PRSS23: variants seen among roughly 807,000 people sequenced by gnomAD.
The protein encoded by PRSS23 is protease, serine 23.
A neutral mutation model predicts 34.7 loss-of-function variants in PRSS23; 25 were observed. The ratio of observed to expected loss-of-function variants is 0.72; its 90% CI spans 0.53 to 1.01. The LOEUF is 1.01. Among genes scored for constraint, PRSS23 ranks in the 50% least tolerant of loss-of-function variants. The pLI is 0.00. For synonymous variants in PRSS23, 176 were observed against 186.6 expected (o/e 0.94, Z 0.46); for missense variants, 445 against 475.6 (o/e 0.94, Z 0.60).
chr11:86,887,922 G>A (rs1015591987), intron 2 of PRSS23, among the ~76,000 whole-genome samples: 3 of 151,850 alleles, frequency 2.0e-5, no homozygotes, highest in African/African-American at 7.3e-5. Flanking sequence ...TGTGGTGGCG[G>A]GCGCCTGTAA....
chr11:86,808,158 C>T lies in PRSS23; in HGVS notation c.515C>T (p.Thr172Ile). The T allele has an allele frequency of 1.2e-6, 2 of 1,614,204 alleles. No homozygotes were observed. The highest frequency in any genetic ancestry group is 8.5e-7 in the Non-Finnish European group (1 of 1,180,042). The change falls in exon 2 of 2, where the codon ACA (threonine) becomes ATA (isoleucine). Residue 172 changes from threonine to isoleucine, a missense_variant. Physicochemically the swap from Thr to Ile is moderately conservative, Grantham distance 89 (BLOSUM62 -1). Coordinates refer to ENST00000280258, the MANE Select transcript of PRSS23 (RefSeq NM_007173.6). ...CTGGTGGCAGAGAAGCATGTCCTCA[C>T]AGCTGCCCACTGCATACACGATGGA... is the stretch of plus-strand genomic sequence containing the variant. ...GTLVAEKHVL[T>I]AAHCIHDGKT...
At chr11:86,837,224 A>T (rs1948412918) in intron 2 of PRSS23, 1 of 152,258 alleles carries the variant, frequency 6.6e-6, no homozygotes, top group Non-Finnish European at 1.5e-5. Context: ...GTATTATTTT[A>T]TTCTAATAGA....
chr11:86,826,071 C>T (rs868753352), intron 2 of PRSS23, among the ~76,000 whole-genome samples: 11 of 151,918 alleles, frequency 7.2e-5, no homozygotes, highest in Non-Finnish European at 8.8e-5. Context: ...TACCTTGGGC[C>T]GTATGGCCAT....
chr11:86,800,883 C>G (rs769873456), intron 1 of PRSS23, among the ~76,000 whole-genome samples: 3 of 152,116 alleles, frequency 2.0e-5, no homozygotes, highest in Admixed American at 6.5e-5. Flanking sequence ...GCAGTGTCAC[C>G]CATGAAACGG....
chr11:86,951,694 G>C, exon 3 of PRSS23: 1 of 1,614,046 alleles, frequency 6.2e-7, no homozygotes, highest in Non-Finnish European at 8.5e-7. Flanking sequence ...TCACTGCGGG[G>C]ATGGCCCAGG....
At chr11:86,793,349 A>ATTGTGGGGG (rs1947963122) in intron 1 of PRSS23, among the ~76,000 whole-genome samples, 1 of 152,202 alleles carries the variant, frequency 6.6e-6, no homozygotes, top group Admixed American at 6.5e-5. Context: ...AGCATTCTTT[A>ATTGTGGGGG]ATCCTGGGGG....
intron 1 of PRSS23, among the ~76,000 whole-genome samples, chr11:86,822,882 T>G (rs1948263751): frequency 6.6e-6 from 1 of 152,214 alleles, no homozygotes; most frequent in African/African-American, 2.4e-5. Flanking sequence ...TTCTGCCTCT[T>G]AATTCCAAGA....
intron 2 of PRSS23, among the ~76,000 whole-genome samples, chr11:86,848,949 A>C (rs748779382): frequency 6.6e-6 from 1 of 152,196 alleles, no homozygotes; most frequent in Non-Finnish European, 1.5e-5. Flanking sequence ...CTAGAAACAA[A>C]CTGCCCCCTC....
At chr11:86,833,072 G>T (rs1590885018) in intron 2 of PRSS23, 4 of 572,620 alleles carry the variant, frequency 7.0e-6, no homozygotes, top group East Asian at 3.8e-5. Flanking sequence ...AATATAGAGG[G>T]TGACAGATGG....
At chr11:86,812,383 A>G (rs17149443), downstream of PRSS23, among the ~76,000 whole-genome samples, 4,369 of 152,280 alleles carry the variant, frequency 0.029, 220 homozygotes, top group African/African-American at 0.1. Context: ...GGGTGGGGTC[A>G]TCGTACATAC....
At chr11:86,827,873 G>T (rs891583818) in intron 2 of PRSS23, among the ~76,000 whole-genome samples, 1 of 152,082 alleles carries the variant, frequency 6.6e-6, no homozygotes, top group Non-Finnish European at 1.5e-5. Context: ...TTGTAATAAT[G>T]TCTGATCTTT....
intron 2 of PRSS23, among the ~76,000 whole-genome samples, chr11:86,877,261 T>C (rs1342124285): frequency 6.6e-6 from 1 of 152,214 alleles, no homozygotes; most frequent in Non-Finnish European, 1.5e-5. Flanking sequence ...CTCTCAACTC[T>C]CAGCACAGTG....
chr11:86,833,265 G>C, intron 2 of PRSS23: 3 of 1,577,504 alleles, frequency 1.9e-6, no homozygotes, highest in South Asian at 2.2e-5. Context: ...CCAAGGACAG[G>C]TTGGAGAGGA....
In PRSS23 at chr11:86,810,659, T is replaced by C. The variant is rs758185002; in HGVS notation, c.*1864T>C. 1.2e-4 allele frequency: 20 copies of C among 167,038 alleles called. No homozygotes were observed. Among genetic ancestry groups the C allele is most frequent in the Non-Finnish European group, 2.5e-4 (17 of 68,120 alleles). The allele number at this position is 167,038 out of a possible 1,614,324, so 10.3% of individuals were successfully genotyped here. ...GAATGGATTTTTTTAAAAAAATAGATGTTCCTTTTGTGAAGCACCTTGATT... is the reference window on the plus strand; with the variant it reads ...GAATGGATTTTTTTAAAAAAATAGACGTTCCTTTTGTGAAGCACCTTGATT... On this transcript the variant is annotated 3_prime_UTR_variant, in exon 2 of 2. Coordinates refer to ENST00000280258, the MANE Select transcript of PRSS23 (RefSeq NM_007173.6).
Position 86,808,482 on chromosome 11 carries a change from C to G in PRSS23, c.839C>G (p.Ser280Cys). 1 of 1,614,216 alleles carries G rather than the reference C, an allele frequency of 6.2e-7. No homozygotes were observed. The highest frequency in any genetic ancestry group is 1.3e-5 in the African/African-American group (1 of 75,068). Residue 280 changes from serine (S) to cysteine (C), a missense_variant, in exon 2 of 2, where the codon TCT (serine) becomes TGT (cysteine). Coordinates refer to ENST00000280258, the MANE Select transcript of PRSS23 (RefSeq NM_007173.6). ...KQLPGGRIHFSGYDNDRPGNL... is the reference protein window; with the variant it reads ...KQLPGGRIHFCGYDNDRPGNL... ...CTGCCAGGGGGCAGAATTCACTTCT[C>G]TGGTTATGACAATGACCGACCAGGC...
intron 2 of PRSS23, among the ~76,000 whole-genome samples, chr11:86,838,185 A>G (rs1948421216): frequency 6.6e-6 from 1 of 152,262 alleles, no homozygotes; most frequent in South Asian, 2.1e-4. Flanking sequence ...GCACACACCT[A>G]CAAAACCATC....
chr11:86,919,646 C>T (rs996245306), intron 2 of PRSS23, among the ~76,000 whole-genome samples: 3 of 152,200 alleles, frequency 2.0e-5, no homozygotes, highest in African/African-American at 4.8e-5. Flanking sequence ...TAAGTTGTTA[C>T]GTGATCTTAG....
downstream of PRSS23, among the ~76,000 whole-genome samples, chr11:86,815,353 T>C (rs1434138614): frequency 6.6e-6 from 1 of 152,248 alleles, no homozygotes; most frequent in African/African-American, 2.4e-5. Flanking sequence ...TAGAATGTAA[T>C]TTCATGAGGA....
intron 2 of PRSS23, among the ~76,000 whole-genome samples, chr11:86,871,804 A>G (rs1362292808): frequency 2.6e-5 from 4 of 152,238 alleles, no homozygotes; most frequent in Non-Finnish European, 5.9e-5. Flanking sequence ...TCATAAGATG[A>G]CAAGAAGCCA....
Sources: gnomAD v4.1 joint callset for allele counts (sites outside exome capture counted in the v4.1 genomes callset) on GRCh38, gnomAD v4.1.1 for gene constraint, MANE v1.5 for transcripts, NCBI Gene and HGNC (gene_info 2026-07-23, HGNC 2026-07-21) for gene names.